The following KIF6 variants were observed in gnomAD, a reference collection of about 807,000 sequenced individuals.
KIF6 encodes the protein kinesin-like protein KIF6.
A neutral mutation model predicts 112.7 loss-of-function variants in KIF6; 106 were observed. That is an observed-to-expected ratio of 0.94 (90% CI 0.80 to 1.11). The LOEUF is 1.11. Ranked by LOEUF, KIF6 falls within the 50% of genes least tolerant of loss-of-function variation. The pLI is 0.00. For missense variants in KIF6, 929 were observed against 964.0 expected (o/e 0.96, Z 0.48); for synonymous variants, 339 against 339.9 (o/e 1.00, Z 0.03).
chr6:39,491,545 C>T (rs1775482892), intron 13 of KIF6, among the ~76,000 whole-genome samples: 1 of 152,096 alleles, frequency 6.6e-6, no homozygotes, highest in African/African-American at 2.4e-5. Context: ...AGCTAACCAG[C>T]AGATTTCCGT....
At chr6:39,715,500 A>G (rs1789789510) in intron 2 of KIF6, among the ~76,000 whole-genome samples, 1 of 103,208 alleles carries the variant, frequency 9.7e-6, no homozygotes, top group Non-Finnish European at 2.0e-5. Context: ...GAAGACACAG[A>G]ATCTATTTTT....
intron 13 of KIF6, among the ~76,000 whole-genome samples, chr6:39,506,119 T>C (rs1265437661): frequency 6.6e-6 from 1 of 152,160 alleles, no homozygotes; most frequent in Non-Finnish European, 1.5e-5. Flanking sequence ...TCACCAATGA[T>C]AGACTGGATA....
chr6:39,505,197 A>T (rs1377775707), intron 13 of KIF6, among the ~76,000 whole-genome samples: 1 of 152,224 alleles, frequency 6.6e-6, no homozygotes, highest in Non-Finnish European at 1.5e-5. Context: ...ATAAGACTGC[A>T]TACCTATAAC....
intron 10 of KIF6, among the ~76,000 whole-genome samples, chr6:39,570,922 T>C (rs1780607353): frequency 6.6e-6 from 1 of 152,204 alleles, no homozygotes; most frequent in Non-Finnish European, 1.5e-5. Flanking sequence ...TACAGACTAA[T>C]ACACTAATTA....
chr6:39,437,134 T>C (rs996525186), intron 13 of KIF6, among the ~76,000 whole-genome samples: 2 of 152,160 alleles, frequency 1.3e-5, no homozygotes, highest in South Asian at 2.1e-4. Context: ...GTGGCTATTG[T>C]AAAAGGGATT....
rs576307105 is a variant in KIF6 at position 39,720,814 on chromosome 6, G to A, written c.67-3C>T. ...TCATCTTCATCTATGGAATAAATCT[G>A]CAAATGTGAAGACAACAAATGGATA... On this transcript the variant is annotated splice_region_variant and splice_polypyrimidine_tract_variant and intron_variant, in intron 1 of 22. Coordinates refer to ENST00000287152, the MANE Select transcript of KIF6 (RefSeq NM_145027.6). The A allele has an allele frequency of 4.4e-5, 59 of 1,341,906 alleles. No homozygotes were observed. The highest frequency in any genetic ancestry group is 6.0e-5 in the Non-Finnish European group (56 of 932,234). 83.1% of individuals were successfully genotyped at this position (1,341,906 alleles called of 1,614,324 possible). A position where few individuals can be genotyped will look rare whatever the true frequency, so the allele number is the denominator to read the frequency against.
At chr6:39,601,574 A>G (rs1465394100) in intron 6 of KIF6, among the ~76,000 whole-genome samples, 1 of 152,110 alleles carries the variant, frequency 6.6e-6, no homozygotes, top group Non-Finnish European at 1.5e-5. Context: ...TAGCCTAACC[A>G]CAGCAGAGGA....
intron 6 of KIF6, among the ~76,000 whole-genome samples, chr6:39,612,491 C>G (rs1340923009): frequency 6.6e-6 from 1 of 152,174 alleles, no homozygotes; most frequent in Non-Finnish European, 1.5e-5. Flanking sequence ...GGCCCCTGAC[C>G]AAGCTGGGTC....
At chr6:39,476,215 A>T (rs79600326) in intron 13 of KIF6, among the ~76,000 whole-genome samples, 5 of 119,344 alleles carry the variant, frequency 4.2e-5, no homozygotes, top group Admixed American at 2.0e-4. Flanking sequence ...AAATTAAATT[A>T]AAAAAAAAAA....
At chr6:39,522,681 C>T (rs528767566) in intron 13 of KIF6, among the ~76,000 whole-genome samples, 1 of 152,320 alleles carries the variant, frequency 6.6e-6, no homozygotes, top group Non-Finnish European at 1.5e-5. Context: ...TCTGCAATGT[C>T]CAGTACTGTG....
At chr6:39,687,512 C>T (rs1787945777) in intron 3 of KIF6, among the ~76,000 whole-genome samples, 1 of 152,136 alleles carries the variant, frequency 6.6e-6, no homozygotes. Flanking sequence ...ATCATTCTTT[C>T]ATTCTTTCCT....
At chr6:39,418,642 C>T (rs982453206) in intron 15 of KIF6, among the ~76,000 whole-genome samples, 3 of 152,046 alleles carry the variant, frequency 2.0e-5, no homozygotes, top group African/African-American at 7.2e-5. Flanking sequence ...CATTTCTCTC[C>T]TATCAAGATC....
At chr6:39,540,629 G>A (rs1014290676) in intron 12 of KIF6, among the ~76,000 whole-genome samples, 18 of 152,226 alleles carry the variant, frequency 1.2e-4, no homozygotes, top group African/African-American at 2.7e-4. Context: ...GCGCCTGCTC[G>A]GGAGGCAGCA....
At chr6:39,443,610 A>C (rs1772105841) in intron 13 of KIF6, among the ~76,000 whole-genome samples, 1 of 151,954 alleles carries the variant, frequency 6.6e-6, no homozygotes, top group Non-Finnish European at 1.5e-5. Flanking sequence ...CACCTGGTTA[A>C]TTTTTGTATA....
At chr6:39,391,949 A>G (rs183252705) in intron 15 of KIF6, among the ~76,000 whole-genome samples, 4 of 150,966 alleles carry the variant, frequency 2.6e-5, no homozygotes, top group East Asian at 1.9e-4. Flanking sequence ...GAATGCATGT[A>G]TATATATATA....
chr6:39,600,473 A>G (rs1016566695), intron 6 of KIF6, among the ~76,000 whole-genome samples: 1 of 152,178 alleles, frequency 6.6e-6, no homozygotes, highest in African/African-American at 2.4e-5. Flanking sequence ...TGAAATGAGA[A>G]AAGCAAAATG....
chr6:39,685,198 T>C (rs1787784592), intron 3 of KIF6, among the ~76,000 whole-genome samples: 1 of 152,100 alleles, frequency 6.6e-6, no homozygotes, highest in Non-Finnish European at 1.5e-5. Flanking sequence ...GTTGGAAAAA[T>C]CAGCGATGCT....
chr6:39,359,323 G>T (rs147173989), intron 18 of KIF6, among the ~76,000 whole-genome samples: 1 of 152,156 alleles, frequency 6.6e-6, no homozygotes, highest in Admixed American at 6.5e-5. Context: ...CTTATGGAAA[G>T]GTCATTTTAG....
chr6:39,689,505 GTAATAA>G (rs112419136), intron 3 of KIF6, among the ~76,000 whole-genome samples: 1 of 151,552 alleles, frequency 6.6e-6, no homozygotes, highest in African/African-American at 2.4e-5. Flanking sequence ...TCAAAAAATA[GTAATAA>G]TAATAATAAT....
Sources: allele counts gnomAD v4.1 joint callset (sites outside exome capture counted in the v4.1 genomes callset), GRCh38; gene constraint gnomAD v4.1.1; transcripts MANE v1.5; gene names NCBI Gene and HGNC (gene_info 2026-07-23, HGNC 2026-07-21).